DMC1: variants seen among roughly 807,000 people sequenced by gnomAD.
DMC1 encodes the protein meiotic recombination protein DMC1 homolog.
Under a neutral mutation model 50.1 loss-of-function variants are expected in DMC1, and 27 were observed. The observed-to-expected ratio is 0.54, with a 90% confidence interval of 0.40 to 0.74. The LOEUF (loss-of-function observed/expected upper bound fraction) is 0.74, where lower values mean the gene tolerates loss of function less well. Ranked by LOEUF, DMC1 falls within the 30% of genes least tolerant of loss-of-function variation. The pLI, the probability that DMC1 is intolerant of heterozygous loss-of-function variation, is 0.00. For synonymous variants in DMC1, 148 were observed against 136.1 expected (o/e 1.09, Z -0.61); for missense variants, 295 against 420.2 (o/e 0.70, Z 2.60).
rs11570374 is a variant in DMC1, at chr22:38,568,756, C to A, written c.-33-467G>T. On this transcript the variant is annotated intron_variant, in intron 1 of 13. Transcript: ENST00000216024. ...CAACTTTGTCCTCAATAAATGGATT[C>A]TATTTTTCTCATCTATGATGAATGC... Among the ~76,000 whole-genome samples the A allele has an allele frequency of 2.4e-3, 369 of 152,276 alleles. 2 individuals carry two copies. Among genetic ancestry groups the A allele is most frequent in the African/African-American group, 8.5e-3 (354 of 41,564 alleles).
At chr22:38,551,114 C>T (rs1025352136) in intron 7 of DMC1, among the ~76,000 whole-genome samples, 6 of 134,798 alleles carry the variant, frequency 4.5e-5, no homozygotes, top group Non-Finnish European at 9.6e-5. Flanking sequence ...CGGGCATGGT[C>T]GTGAGTGCCT....
chr22:38,552,761 C>G, intron 6 of DMC1, 54 bp from the exon 7 acceptor site: 1 of 1,210,204 alleles, frequency 8.3e-7, no homozygotes, highest in Non-Finnish European at 1.2e-6. Flanking sequence ...CAGATATTTT[C>G]ATAAAGAATA....
intron 1 of DMC1, among the ~76,000 whole-genome samples, chr22:38,569,615 T>C (rs993139500): frequency 1.3e-5 from 2 of 152,212 alleles, no homozygotes; most frequent in Non-Finnish European, 2.9e-5. Flanking sequence ...AATGAAAAGA[T>C]TGTCCCCCAT....
rs544853732 is a variant in DMC1, at chr22:38,566,515, A to G, written c.243+75T>C. On this transcript the variant is annotated intron_variant, in intron 4 of 13. Transcript: ENST00000216024. The stretch of plus-strand genomic sequence containing the variant: ...GAACTCAGTTCCCACAATAATTTCT[A>G]GTTTTCATGAGAAAGCCTATAAAGA... The G allele has an allele frequency of 2.6e-6, 4 of 1,525,174 alleles. No homozygotes were observed. The South Asian group carries it at 4.5e-5, about 17-fold the overall frequency. 94.5% of individuals were successfully genotyped at this position (1,525,174 alleles called of 1,614,324 possible). A position where few individuals can be genotyped will look rare whatever the true frequency, so the allele number is the denominator to read the frequency against.
Position 38,566,583 on chromosome 22 carries a change from T to G in DMC1, c.243+7A>C, listed in dbSNP as rs1433403200. 4.3e-6 allele frequency: 7 copies of G among 1,614,158 alleles called. No homozygotes were observed. The East Asian group carries it at 1.6e-4, about 36-fold the overall frequency. The stretch of plus-strand genomic sequence containing the variant: ...AGCTAAAACAGCAAAGAATGGATTT[T>G]GCTTACAATTAGTTTGTTCGCTGCC... On this transcript the variant is annotated splice_region_variant and intron_variant, in intron 4 of 13. Coordinates refer to ENST00000216024, the MANE Select transcript of DMC1 (RefSeq NM_007068.4).
downstream of DMC1, among the ~76,000 whole-genome samples, chr22:38,518,708 T>A (rs999581453): frequency 6.6e-6 from 1 of 152,062 alleles, no homozygotes. Flanking sequence ...TTTTTTTGTA[T>A]TTTTGTAGAG....
At chr22:38,537,549 A>G (rs1229189001) in intron 12 of DMC1, 43 bp downstream of exon 12, 1 of 1,554,608 alleles carries the variant, frequency 6.4e-7, no homozygotes, top group Admixed American at 1.7e-5. Flanking sequence ...AACCCTCTTT[A>G]TATTAACCTC....
intron 4 of DMC1, among the ~76,000 whole-genome samples, chr22:38,566,182 G>A (rs2090578930): frequency 1.3e-5 from 2 of 151,702 alleles, no homozygotes; most frequent in South Asian, 2.1e-4. Flanking sequence ...GCTGAGGCAG[G>A]AGACTCGCTT....
At chr22:38,567,772 C>T (rs960797924) in intron 2 of DMC1, 145 bp from the exon 3 acceptor site, 3 of 665,554 alleles carry the variant, frequency 4.5e-6, no homozygotes, top group African/African-American at 1.8e-5. Context: ...GGATCAATAC[C>T]GTTTTTCAAA....
the DMC1 span, among the ~76,000 whole-genome samples, chr22:38,513,614 G>T: frequency 6.6e-6 from 1 of 151,746 alleles, no homozygotes; most frequent in Non-Finnish European, 1.5e-5. Flanking sequence ...TTTCACTCTT[G>T]TTGCCCAGGC....
chr22:38,520,882 G>GTT (rs574922199), intron 13 of DMC1, among the ~76,000 whole-genome samples: 2 of 141,012 alleles, frequency 1.4e-5, no homozygotes. Context: ...TTTTGTTTTT[G>GTT]TTTTTTTTTT....
intron 8 of DMC1, among the ~76,000 whole-genome samples, chr22:38,549,163 T>C (rs1315314076): frequency 6.6e-6 from 1 of 152,236 alleles, no homozygotes; most frequent in African/African-American, 2.4e-5. Context: ...AAGCCTTTCA[T>C]GTCTAAGATC....
intron 11 of DMC1, among the ~76,000 whole-genome samples, chr22:38,537,988 C>CA (rs1245479896): frequency 6.6e-6 from 1 of 151,862 alleles, no homozygotes; most frequent in African/African-American, 2.4e-5. Context: ...ACTAAATATA[C>CA]AAAAAATTGG....
chr22:38,567,301 C>G (rs1425128683), intron 3 of DMC1, among the ~76,000 whole-genome samples: 1 of 152,208 alleles, frequency 6.6e-6, no homozygotes, highest in Non-Finnish European at 1.5e-5. Context: ...TATTCAAAGG[C>G]TGGATTTCTG....
intron 12 of DMC1, among the ~76,000 whole-genome samples, chr22:38,524,676 G>T (rs563154837): frequency 3.3e-5 from 5 of 152,174 alleles, no homozygotes; most frequent in Admixed American, 3.3e-4. Context: ...TGCTCATTCA[G>T]CTCCTACACA....
intron 12 of DMC1, among the ~76,000 whole-genome samples, chr22:38,524,462 A>T (rs1203844078): frequency 6.6e-6 from 1 of 152,044 alleles, no homozygotes; most frequent in East Asian, 1.9e-4. Context: ...ACTAATAAAT[A>T]AAAAAGAAAA....
chr22:38,548,786 G>C (rs1569164097), intron 8 of DMC1, among the ~76,000 whole-genome samples: 1 of 151,912 alleles, frequency 6.6e-6, no homozygotes, highest in Non-Finnish European at 1.5e-5. Flanking sequence ...AGGTTGCAGT[G>C]AGTTGAGACT....
At chr22:38,567,396 A>G (rs1157692100) in intron 3 of DMC1, among the ~76,000 whole-genome samples, 187 bp downstream of exon 3, 1 of 152,184 alleles carries the variant, frequency 6.6e-6, no homozygotes, top group East Asian at 1.9e-4. Context: ...AGACATTTTG[A>G]TTGTCACAGC....
the DMC1 span, among the ~76,000 whole-genome samples, chr22:38,510,292 A>G: frequency 6.6e-6 from 1 of 152,102 alleles, no homozygotes; most frequent in Non-Finnish European, 1.5e-5. Flanking sequence ...CGTCTCTACT[A>G]AAAATACAAA....
Sources: allele counts gnomAD v4.1 joint callset (sites outside exome capture counted in the v4.1 genomes callset), GRCh38; gene constraint gnomAD v4.1.1; transcripts MANE v1.5; gene names NCBI Gene and HGNC (gene_info 2026-07-23, HGNC 2026-07-21).